Variants in SLC4A10 observed in about 807,000 individuals in gnomAD.
SLC4A10 encodes the protein solute carrier family 4 member 10, also known as sodium-driven chloride bicarbonate exchanger.
A neutral mutation model predicts 137.7 loss-of-function variants in SLC4A10; 42 were observed. The ratio of observed to expected loss-of-function variants is 0.30; its 90% CI spans 0.24 to 0.39. The LOEUF (loss-of-function observed/expected upper bound fraction) is 0.39, where lower values mean the gene tolerates loss of function less well. SLC4A10 is among the 10% of genes least tolerant of loss of function. The pLI, the probability that SLC4A10 is intolerant of heterozygous loss-of-function variation, is 1.00. For synonymous variants in SLC4A10, 474 were observed against 464.1 expected (o/e 1.02, Z -0.27); for missense variants, 925 against 1,355.0 (o/e 0.68, Z 4.98).
rs1362328789 is a variant in SLC4A10, at chr2:161,932,845, TGC to T, written c.1998-9946_1998-9945del. On this transcript the variant is annotated intron_variant, in intron 15 of 26. Coordinates refer to ENST00000446997, the MANE Select transcript of SLC4A10 (RefSeq NM_001178015.2). ...ATTTCTTGAGAGTTGGAGCTACAGTTGCTCTAGATGTGTCTAGGTCTGATCTT... is the reference window on the plus strand; with the variant it reads ...ATTTCTTGAGAGTTGGAGCTACAGTTTCTAGATGTGTCTAGGTCTGATCTT... Among the ~76,000 whole-genome samples, 8 of 152,270 alleles carry T rather than the reference TGC, an allele frequency of 5.3e-5. No homozygotes were observed. In the South Asian group the frequency reaches 8.4e-4, roughly 16 times the overall value.
At chr2:161,929,661 C>T (rs911334615) in intron 15 of SLC4A10, among the ~76,000 whole-genome samples, 5 of 152,144 alleles carry the variant, frequency 3.3e-5, no homozygotes, top group Non-Finnish European at 4.4e-5. Flanking sequence ...GATTCCCAGT[C>T]GGGAGGCAAA....
intron 26 of SLC4A10, among the ~76,000 whole-genome samples, chr2:161,979,831 T>A (rs1040774847): frequency 1.3e-5 from 2 of 152,302 alleles, no homozygotes; most frequent in East Asian, 3.9e-4. Flanking sequence ...TTCCATCCTG[T>A]GCTGTAATGT....
chr2:161,655,104 T>C (rs1406581613), intron 1 of SLC4A10, among the ~76,000 whole-genome samples: 1 of 152,204 alleles, frequency 6.6e-6, no homozygotes, highest in Admixed American at 6.5e-5. Context: ...TTGGTTAAAT[T>C]TATTACTAAG....
At chr2:161,787,031 A>G (rs2053703326) in intron 2 of SLC4A10, among the ~76,000 whole-genome samples, 1 of 152,044 alleles carries the variant, frequency 6.6e-6, no homozygotes, top group African/African-American at 2.4e-5. Context: ...GACATAAAAG[A>G]GTATACTTTT....
intron 22 of SLC4A10, 87 bp from the exon 23 acceptor site, chr2:161,964,964 T>C (rs1697330620): frequency 1.6e-6 from 2 of 1,238,884 alleles, no homozygotes; most frequent in Non-Finnish European, 2.2e-6. Context: ...CTAATAGAAA[T>C]TGTTTCTACC....
intron 15 of SLC4A10, among the ~76,000 whole-genome samples, chr2:161,934,079 C>A (rs1691125358): frequency 6.6e-6 from 1 of 152,042 alleles, no homozygotes; most frequent in African/African-American, 2.4e-5. Context: ...TATTTTGATA[C>A]CGGCATTTTG....
At chr2:161,848,977 T>C (rs1020088025) in intron 4 of SLC4A10, among the ~76,000 whole-genome samples, 4 of 152,226 alleles carry the variant, frequency 2.6e-5, no homozygotes, top group African/African-American at 9.6e-5. Context: ...TAGCACTGAA[T>C]CTGTAAATTG....
intron 10 of SLC4A10, among the ~76,000 whole-genome samples, chr2:161,885,404 C>A (rs1443712993): frequency 6.6e-6 from 1 of 152,116 alleles, no homozygotes; most frequent in Admixed American, 6.6e-5. Context: ...AAATAAATAT[C>A]CATTGAGCTA....
chr2:161,885,731 A>T (rs938668528), intron 10 of SLC4A10, among the ~76,000 whole-genome samples: 13 of 152,200 alleles, frequency 8.5e-5, no homozygotes, highest in African/African-American at 3.1e-4. Flanking sequence ...ACTTTTGTGT[A>T]TGTAGATATG....
chr2:161,930,008 A>G (rs1222518139), intron 15 of SLC4A10, among the ~76,000 whole-genome samples: 1 of 152,148 alleles, frequency 6.6e-6, no homozygotes, highest in Non-Finnish European at 1.5e-5. Context: ...TTTGTGAGTT[A>G]CTTCTGTACC....
chr2:161,648,831 C>T (rs574676699), intron 1 of SLC4A10, among the ~76,000 whole-genome samples: 1 of 152,126 alleles, frequency 6.6e-6, no homozygotes, highest in Admixed American at 6.5e-5. Flanking sequence ...GTTGCATATT[C>T]TACAGTCTGT....
intron 1 of SLC4A10, among the ~76,000 whole-genome samples, chr2:161,767,107 A>G (rs1185010948): frequency 5.2e-5 from 3 of 57,380 alleles, no homozygotes; most frequent in African/African-American, 2.3e-4. Context: ...ATATATATAT[A>G]TATATATATA....
chr2:161,941,730 T>C (rs895188189), intron 15 of SLC4A10, among the ~76,000 whole-genome samples: 5 of 152,072 alleles, frequency 3.3e-5, no homozygotes, highest in Admixed American at 2.6e-4. Flanking sequence ...AGCAAGTCTT[T>C]CAAAAGAGCT....
chr2:161,673,919 G>A (rs2040008067), intron 1 of SLC4A10, among the ~76,000 whole-genome samples: 2 of 152,138 alleles, frequency 1.3e-5, no homozygotes, highest in South Asian at 4.1e-4. Context: ...GAACCCAGGA[G>A]GCAGAGGTTT....
intron 3 of SLC4A10, among the ~76,000 whole-genome samples, chr2:161,815,929 C>A (rs888638424): frequency 1.3e-5 from 2 of 152,046 alleles, no homozygotes; most frequent in African/African-American, 4.8e-5. Context: ...GACATTTAGA[C>A]CTAAATGTGG....
intron 18 of SLC4A10, among the ~76,000 whole-genome samples, 190 bp from the exon 19 acceptor site, chr2:161,950,497 A>G (rs896053072): frequency 1.3e-5 from 2 of 152,070 alleles, no homozygotes; most frequent in East Asian, 3.9e-4. Flanking sequence ...GAAGAAAAAA[A>G]AAATGAGTTA....
intron 2 of SLC4A10, among the ~76,000 whole-genome samples, chr2:161,800,417 G>C (rs1304090111): frequency 6.6e-6 from 1 of 151,870 alleles, no homozygotes; most frequent in East Asian, 1.9e-4. Context: ...ACCAAAAACT[G>C]TCAAGCATTG....
intron 20 of SLC4A10, among the ~76,000 whole-genome samples, chr2:161,957,529 C>T (rs913334941): frequency 2.0e-5 from 3 of 152,136 alleles, no homozygotes; most frequent in African/African-American, 7.2e-5. Context: ...AAAAGTCACT[C>T]ATTGTTTCTG....
intron 1 of SLC4A10, among the ~76,000 whole-genome samples, chr2:161,695,585 G>A (rs2042402233): frequency 6.6e-6 from 1 of 151,998 alleles, no homozygotes; most frequent in African/African-American, 2.4e-5. Context: ...ACCATTTATT[G>A]ATTAGCATTT....
Sources: allele counts gnomAD v4.1 joint callset (sites outside exome capture counted in the v4.1 genomes callset), GRCh38; gene constraint gnomAD v4.1.1; transcripts MANE v1.5; gene names NCBI Gene and HGNC (gene_info 2026-07-23, HGNC 2026-07-21).